The following RASA3 variants were observed in gnomAD, a reference collection of about 807,000 sequenced individuals.
The protein encoded by RASA3 is RAS p21 protein activator 3.
In RASA3, 73 loss-of-function variants were observed where a neutral mutation model predicts 110.0. The ratio of observed to expected loss-of-function variants is 0.66; its 90% CI spans 0.55 to 0.81. The LOEUF is 0.81. Among genes scored for constraint, RASA3 ranks in the 30% least tolerant of loss-of-function variants. RASA3 has a pLI of 0.00. For synonymous variants in RASA3, 500 were observed against 451.4 expected, an observed-to-expected ratio of 1.11 and a Z score of -1.37; for missense variants, 976 against 1,113.2, an observed-to-expected ratio of 0.88 and a Z score of 1.75.
chr13:114,063,862 C>T (rs935824400), intron 2 of RASA3, among the ~76,000 whole-genome samples: 34 of 152,188 alleles, frequency 2.2e-4, no homozygotes, highest in African/African-American at 7.7e-4. Context: ...TTTGCTAAAC[C>T]GGTGGCAAAA....
At chr13:114,010,041 G>A (rs1040352706) in intron 16 of RASA3, among the ~76,000 whole-genome samples, 2 of 152,220 alleles carry the variant, frequency 1.3e-5, no homozygotes, top group African/African-American at 2.4e-5. Context: ...AGGTGGGTTT[G>A]GTGCAGACCT....
In RASA3 at chr13:114,031,873, C is replaced by T. The variant is rs188417795; in HGVS notation, c.373-1986G>A. On this transcript the variant is annotated intron_variant, in intron 4 of 23. Transcript: ENST00000334062. ...ACGGGCAGAATGCCTGGCGCTAAGA[C>T]GTGGACGGCAGAACCGACAGCAGCC... 2.8e-4 allele frequency among the ~76,000 whole-genome samples: 43 copies of T among 152,260 alleles called. No individual in the cohort carries two copies. In the East Asian group the frequency reaches 4.8e-3, roughly 17 times the overall value.
intron 22 of RASA3, among the ~76,000 whole-genome samples, chr13:113,991,916 ACT>A (rs761393206): frequency 2.3e-4 from 35 of 151,924 alleles, no homozygotes; most frequent in Middle Eastern, 3.4e-3. Context: ...CCACACATTC[ACT>A]CTCATACATG....
intron 16 of RASA3, among the ~76,000 whole-genome samples, 179 bp from the exon 17 acceptor site, chr13:114,009,643 C>A (rs759998030): frequency 2.0e-5 from 3 of 152,266 alleles, no homozygotes; most frequent in Non-Finnish European, 4.4e-5. Flanking sequence ...TCACATAAAT[C>A]GCTCAGGCGC....
chr13:114,080,987 T>A (rs75090019), intron 1 of RASA3, among the ~76,000 whole-genome samples: 2,283 of 96,220 alleles, frequency 0.024, 2 homozygotes, highest in Middle Eastern at 0.072. Context: ...AGAGTGCCCC[T>A]CGGCAGAGGG....
intron 23 of RASA3, among the ~76,000 whole-genome samples, chr13:113,980,152 T>C (rs1464356894): frequency 2.2e-5 from 3 of 138,830 alleles, no homozygotes; most frequent in Admixed American, 7.0e-5. Context: ...GCCACGTGTG[T>C]GCACACCTCC....
intron 21 of RASA3, among the ~76,000 whole-genome samples, chr13:113,994,370 T>A (rs112253593): frequency 1.3e-5 from 2 of 152,154 alleles, no homozygotes; most frequent in Non-Finnish European, 2.9e-5. Flanking sequence ...GTGGTTATAG[T>A]TCTGTGTGAG....
intron 7 of RASA3, among the ~76,000 whole-genome samples, chr13:114,026,595 C>T (rs771249556): frequency 2.0e-5 from 3 of 152,202 alleles, no homozygotes; most frequent in Non-Finnish European, 2.9e-5. Flanking sequence ...CACTCTCCTA[C>T]GGTCCCCTGA....
chr13:114,098,322 A>G (rs764589358), intron 1 of RASA3, among the ~76,000 whole-genome samples: 13 of 152,194 alleles, frequency 8.5e-5, no homozygotes, highest in Admixed American at 1.3e-4. Context: ...ACAAGGCAAC[A>G]GGGACCCAGG....
chr13:114,057,549 G>C lies in RASA3; in HGVS notation c.174-5394C>G. On this transcript the variant is annotated intron_variant, in intron 2 of 23. Coordinates refer to ENST00000334062, the MANE Select transcript of RASA3 (RefSeq NM_007368.4). This position sits in a 1 kb window ranked among gnomAD's most constrained non-coding sequence, Gnocchi z 5.0. ...TAGGGAATAAGAAGGGCGATTCCAGGGACAGTGGAGGCCCCCACAGGAAGG... is the reference window on the plus strand; with the variant it reads ...TAGGGAATAAGAAGGGCGATTCCAGCGACAGTGGAGGCCCCCACAGGAAGG... 1.0e-6 allele frequency: 1 copy of C among 974,804 alleles called. No homozygotes were observed. The highest frequency in any genetic ancestry group is 1.2e-6 in the Non-Finnish European group (1 of 820,264). 60.4% of individuals were successfully genotyped at this position (974,804 alleles called of 1,614,324 possible). A position where few individuals can be genotyped will look rare whatever the true frequency, so the allele number is the denominator to read the frequency against.
At chr13:114,099,300 CG>C (rs573027407) in intron 1 of RASA3, among the ~76,000 whole-genome samples, 36 of 152,146 alleles carry the variant, frequency 2.4e-4, no homozygotes, top group Non-Finnish European at 5.0e-4. Context: ...AGGCCTGAGC[CG>C]GGGACGAAGC....
chr13:114,037,597 G>A (rs780935872), intron 4 of RASA3, among the ~76,000 whole-genome samples: 1 of 152,122 alleles, frequency 6.6e-6, no homozygotes, highest in Non-Finnish European at 1.5e-5. Flanking sequence ...TGGTGGTGAC[G>A]GTTATACAAT....
rs539069190 is a variant in RASA3, at chr13:114,034,746, C to T, written c.373-4859G>A. On this transcript the variant is annotated intron_variant, in intron 4 of 23. Transcript: ENST00000334062. ...TCTAAATAACACACAGATCAGAGAA[C>T]GCAAGACAAATTTTAAAATGTTCCG... Among the ~76,000 whole-genome samples, 9 of 152,312 alleles carry T rather than the reference C, an allele frequency of 5.9e-5. No homozygotes were observed. In the East Asian group the frequency reaches 9.6e-4, roughly 16 times the overall value.
At chr13:113,989,799 C>T (rs1308449447) in intron 22 of RASA3, among the ~76,000 whole-genome samples, 2 of 152,264 alleles carry the variant, frequency 1.3e-5, no homozygotes, top group Non-Finnish European at 2.9e-5. Context: ...CATCCAGGTG[C>T]TAGGCACTTC....
intron 1 of RASA3, among the ~76,000 whole-genome samples, chr13:114,077,200 G>C (rs778905107): frequency 1.4e-4 from 22 of 152,212 alleles, no homozygotes; most frequent in Non-Finnish European, 2.5e-4. Flanking sequence ...AAACACACAA[G>C]CTTTCTGTGG....
rs1214823344 is a variant in RASA3, at chr13:114,014,054, CTG to C, written c.1406-808_1406-807del. ...TCTCCGTCTCTATCTCTCTCTCCGT[CTG>C]TCTCTGCCTCTCTCTCCGTCTGTCT... On this transcript the variant is annotated intron_variant, in intron 14 of 23. Transcript: ENST00000334062. The surrounding 1 kb of genome is among the most constrained non-coding windows in gnomAD (Gnocchi z 4.5). 3.7e-3 allele frequency among the ~76,000 whole-genome samples: 461 copies of C among 123,372 alleles called. 7 individuals carry two copies. The highest frequency in any genetic ancestry group is 0.026 in the East Asian group (129 of 5,054). 80.9% of individuals were successfully genotyped at this position (123,372 alleles called of 152,430 possible). A position where few individuals can be genotyped will look rare whatever the true frequency, so the allele number is the denominator to read the frequency against.
intron 1 of RASA3, among the ~76,000 whole-genome samples, chr13:114,106,283 G>T (rs947488513): frequency 6.6e-6 from 1 of 152,150 alleles, no homozygotes; most frequent in Non-Finnish European, 1.5e-5. Flanking sequence ...AGAAACTAAC[G>T]CAAAGAAAGA....
At chr13:114,072,772 G>A (rs2079593024) in intron 2 of RASA3, among the ~76,000 whole-genome samples, 1 of 152,194 alleles carries the variant, frequency 6.6e-6, no homozygotes, top group African/African-American at 2.4e-5. Flanking sequence ...GAGGAAAATG[G>A]GAAGGTGATG....
intron 2 of RASA3, among the ~76,000 whole-genome samples, 166 bp from the exon 3 acceptor site, chr13:114,052,321 G>A (rs1329230037): frequency 2.0e-5 from 3 of 152,168 alleles, no homozygotes; most frequent in African/African-American, 2.4e-5. Flanking sequence ...GAAGGGCCTC[G>A]TAGCTGCTCC....
Sources: allele counts gnomAD v4.1 joint callset (sites outside exome capture counted in the v4.1 genomes callset), GRCh38; gene constraint gnomAD v4.1.1; non-coding constraint Gnocchi (gnomAD v3.1); transcripts MANE v1.5; gene names NCBI Gene and HGNC (gene_info 2026-07-23, HGNC 2026-07-21).